The following ABCC9 variants were observed in gnomAD, a reference collection of about 807,000 sequenced individuals.
ABCC9 encodes the protein ATP binding cassette subfamily C member 9, also known as ATP-binding cassette sub-family C member 9.
In ABCC9, 95 loss-of-function variants were observed where a neutral mutation model predicts 188.3. That is an observed-to-expected ratio of 0.50 (90% CI 0.43 to 0.60). The LOEUF (loss-of-function observed/expected upper bound fraction) is 0.60. ABCC9 is among the 20% of genes least tolerant of loss of function. The pLI is 0.00. For synonymous variants in ABCC9, 659 were observed against 652.7 expected, an observed-to-expected ratio of 1.01 and a Z score of -0.15; for missense variants, 1,102 against 1,876.3, an observed-to-expected ratio of 0.59 and a Z score of 7.62.
chr12:21,806,212 G>T, intron 38 of ABCC9, 152 bp from the exon 39 acceptor site: 1 of 712,692 alleles, frequency 1.4e-6, no homozygotes. Context: ...GTCCCCAGCA[G>T]CAGGTTCATG....
intron 39 of ABCC9, chr12:21,805,358 T>C: frequency 1.3e-6 from 2 of 1,566,174 alleles, no homozygotes; most frequent in Non-Finnish European, 1.8e-6. Context: ...AGGAAAAATG[T>C]CCAAGTGACT....
intron 24 of ABCC9, 75 bp from the exon 25 acceptor site, chr12:21,848,321 G>A (rs543809166): frequency 6.2e-6 from 8 of 1,280,252 alleles, no homozygotes; most frequent in Non-Finnish European, 9.1e-6. Flanking sequence ...TGACTCACAC[G>A]TGTAAATGGT....
chr12:21,895,270 C>A lies in ABCC9; in HGVS notation c.1659+5G>T. On this transcript the variant is annotated splice_donor_5th_base_variant and intron_variant, in intron 13 of 39. Coordinates refer to ENST00000261200, the MANE Select transcript of ABCC9 (RefSeq NM_020297.4). Reference sequence around the variant, plus strand: ...CATTTCTAAAAGAGAGAAAAAGTGTCTTACAGCAAGAACAGCTGCTATGGG... The same window carrying A: ...CATTTCTAAAAGAGAGAAAAAGTGTATTACAGCAAGAACAGCTGCTATGGG... The A allele has an allele frequency of 6.2e-7, 1 of 1,612,400 alleles. No individual in the cohort carries two copies. The highest frequency in any genetic ancestry group is 1.7e-5 in the Admixed American group (1 of 59,958).
intron 8 of ABCC9, 62 bp downstream of exon 8, chr12:21,912,810 A>T: frequency 6.4e-7 from 1 of 1,551,232 alleles, no homozygotes; most frequent in Non-Finnish European, 8.9e-7. Flanking sequence ...ATTAATAAAA[A>T]GTGACAATTA....
chr12:21,843,752 A>T (rs1271184755), intron 28 of ABCC9, among the ~76,000 whole-genome samples: 1 of 152,158 alleles, frequency 6.6e-6, no homozygotes, highest in African/African-American at 2.4e-5. Context: ...TTTTAGGTGC[A>T]GTCTGACCTA....
intron 7 of ABCC9, among the ~76,000 whole-genome samples, chr12:21,914,970 G>A (rs1036452063): frequency 1.3e-4 from 20 of 149,758 alleles, no homozygotes; most frequent in Non-Finnish European, 2.2e-4. Context: ...GTGCAATCTC[G>A]GCTCACCACA....
At position 21,847,979 on chromosome 12, in the gene ABCC9, A is replaced by T. The variant is rs71530935; in HGVS notation, c.2866+171T>A. ...AGGCCCTCAAGATGACTGTTGATGG[A>T]TTACATCCACCTTTCCTTGACTCCT... On this transcript the variant is annotated intron_variant, in intron 25 of 39. Coordinates refer to ENST00000261200, the MANE Select transcript of ABCC9 (RefSeq NM_020297.4). Among the ~76,000 whole-genome samples the T allele has an allele frequency of 0.014, 2,173 of 152,216 alleles. 23 individuals are homozygous for T. The highest frequency in any genetic ancestry group is 0.054 in the Middle Eastern group (16 of 294).
intron 4 of ABCC9, among the ~76,000 whole-genome samples, chr12:21,931,625 A>G (rs1174916154): frequency 2.0e-5 from 3 of 152,144 alleles, no homozygotes; most frequent in Admixed American, 6.5e-5. Context: ...ACCTGACTGA[A>G]TCTACATATC....
At chr12:21,906,543 C>G (rs1264521322) in intron 11 of ABCC9, among the ~76,000 whole-genome samples, 1 of 152,024 alleles carries the variant, frequency 6.6e-6, no homozygotes, top group African/African-American at 2.4e-5. Flanking sequence ...TACATAAAAG[C>G]TAAAAACAAT....
rs972677318 is a variant in ABCC9 at position 21,800,050 on chromosome 12, C to T, written c.*994G>A. On this transcript the variant is annotated 3_prime_UTR_variant, in exon 40 of 40. Coordinates refer to ENST00000261200, the MANE Select transcript of ABCC9 (RefSeq NM_020297.4). ...AATGTCTAGAAGAGGTAAACTCTTT[C>T]AGCTAGAAATAGACACTTGTTTTAT... 6.6e-6 allele frequency: 1 copy of T among 152,142 alleles called. No homozygotes were observed. Among genetic ancestry groups the T allele is most frequent in the Admixed American group, 6.5e-5 (1 of 15,270 alleles). The allele number at this position is 152,142 out of a possible 1,614,324, so 9.4% of individuals were successfully genotyped here.
intron 38 of ABCC9, among the ~76,000 whole-genome samples, chr12:21,806,507 C>T (rs891161772): frequency 1.3e-5 from 2 of 152,146 alleles, no homozygotes; most frequent in Admixed American, 1.3e-4. Flanking sequence ...TTTATCTCCA[C>T]CACAAAGCAC....
rs1167238326 is a variant in ABCC9 at position 21,908,214 on chromosome 12, A to G, written c.1321-3T>C. 1.9e-6 allele frequency: 3 copies of G among 1,612,266 alleles called. No individual in the cohort carries two copies. The highest frequency in any genetic ancestry group is 1.7e-6 in the Non-Finnish European group (2 of 1,178,718). On this transcript the variant is annotated splice_region_variant and splice_polypyrimidine_tract_variant and intron_variant, in intron 10 of 39. Transcript: ENST00000261200. ...AGCAGAATCACGCCCATTATGATCT[A>G]GAGAGAAAAACACATGGAAAAGAGA...
chr12:21,933,965 G>A (rs768530573), intron 3 of ABCC9, 42 bp from the exon 4 acceptor site: 32 of 1,610,716 alleles, frequency 2.0e-5, no homozygotes, highest in East Asian at 2.2e-5. Flanking sequence ...GACATAAACC[G>A]AAGGCTCAAT....
At chr12:21,834,672 A>C (rs542994689) in intron 30 of ABCC9, among the ~76,000 whole-genome samples, 1 of 152,068 alleles carries the variant, frequency 6.6e-6, no homozygotes, top group East Asian at 1.9e-4. Context: ...TCAGGAATCG[A>C]ATGTGTCTTT....
intron 30 of ABCC9, chr12:21,831,178 A>G (rs1051811705): frequency 6.6e-6 from 1 of 151,422 alleles, no homozygotes; most frequent in African/African-American, 2.4e-5. Flanking sequence ...CAGCCTCCCC[A>G]GTAGCTGGGA....
chr12:21,879,212 C>T (rs1946512992), intron 16 of ABCC9, among the ~76,000 whole-genome samples: 1 of 152,164 alleles, frequency 6.6e-6, no homozygotes, highest in African/African-American at 2.4e-5. Context: ...AAGATATGGG[C>T]ATGCCTAAGC....
intron 37 of ABCC9, among the ~76,000 whole-genome samples, chr12:21,808,399 C>T (rs1468273008): frequency 6.6e-6 from 1 of 152,078 alleles, no homozygotes; most frequent in African/African-American, 2.4e-5. Flanking sequence ...CCCCTGTGGC[C>T]TGTGCTGTAC....
At chr12:21,849,720 A>C (rs559681484) in intron 24 of ABCC9, among the ~76,000 whole-genome samples, 102 of 152,338 alleles carry the variant, frequency 6.7e-4, no homozygotes, top group Non-Finnish European at 1.3e-3. Context: ...GCTTGGACTA[A>C]GTAAATAAAA....
chr12:21,846,978 A>T (rs929232925), intron 25 of ABCC9, among the ~76,000 whole-genome samples: 1 of 151,572 alleles, frequency 6.6e-6, no homozygotes. Flanking sequence ...TTAAGACTCA[A>T]CTCCTTTCTC....
Sources: gnomAD v4.1 joint callset for allele counts (sites outside exome capture counted in the v4.1 genomes callset) on GRCh38, gnomAD v4.1.1 for gene constraint, MANE v1.5 for transcripts, NCBI Gene and HGNC (gene_info 2026-07-23, HGNC 2026-07-21) for gene names.